The following UNC45A variants were observed in gnomAD, a reference collection of about 807,000 sequenced individuals.
UNC45A encodes the protein protein unc-45 homolog A.
A neutral mutation model predicts 103.2 loss-of-function variants in UNC45A; 78 were observed. The observed-to-expected ratio is 0.76, with a 90% CI of 0.63 to 0.91. The LOEUF (loss-of-function observed/expected upper bound fraction) is 0.91. Ranked by LOEUF, UNC45A falls within the 40% of genes least tolerant of loss-of-function variation. The pLI is 0.00. For missense variants in UNC45A, 1,193 were observed against 1,224.8 expected, an observed-to-expected ratio of 0.97 and a Z score of 0.39; for synonymous variants, 495 against 504.6, an observed-to-expected ratio of 0.98 and a Z score of 0.25.
chr15:90,952,063 C>A (rs1424122693), intron 17 of UNC45A, among the ~76,000 whole-genome samples: 1 of 152,196 alleles, frequency 6.6e-6, no homozygotes, highest in African/African-American at 2.4e-5. Context: ...CTAAGAAGCA[C>A]TGTAGTTCAT....
At chr15:90,935,192 C>T (rs2035937590), upstream of UNC45A, 1 of 930,400 alleles carries the variant, frequency 1.1e-6, no homozygotes, top group African/African-American at 1.6e-5. Flanking sequence ...CGCGCTCCCT[C>T]CTTAGCCCTG....
chr15:90,950,326 G>C (rs947478668), intron 16 of UNC45A, 59 bp downstream of exon 16: 1 of 1,527,736 alleles, frequency 6.5e-7, no homozygotes, highest in African/African-American at 1.4e-5. Flanking sequence ...CCTGTGGGCT[G>C]GGCTGTAGCT....
At chr15:90,935,278 C>T, upstream of UNC45A, 1 of 1,565,366 alleles carries the variant, frequency 6.4e-7, no homozygotes, top group Non-Finnish European at 8.7e-7. Flanking sequence ...CAGACTCGCC[C>T]CGCCCCAGAG....
At chr15:90,950,331 G>T in intron 16 of UNC45A, 64 bp downstream of exon 16, 2 of 1,525,032 alleles carry the variant, frequency 1.3e-6, no homozygotes, top group Non-Finnish European at 1.8e-6. Context: ...GGGCTGGGCT[G>T]TAGCTCCCCT....
rs981922607 is a variant in UNC45A, at chr15:90,953,731, G to T, written c.*15G>T. 6.2e-7 allele frequency: 1 copy of T among 1,611,312 alleles called. No individual in the cohort carries two copies. ...ATGGAGAGTGAGGGGGTTGTCCCTG[G>T]GCCCAAGGCTCATGCACACGCTACC... On this transcript the variant is annotated 3_prime_UTR_variant, in exon 20 of 20. Coordinates refer to ENST00000418476, the MANE Select transcript of UNC45A (RefSeq NM_018671.5).
chr15:90,945,107 A>G (rs1291033278), intron 9 of UNC45A, 44 bp downstream of exon 9: 1 of 1,603,504 alleles, frequency 6.2e-7, no homozygotes, highest in East Asian at 2.2e-5. Context: ...GATTCTAGCG[A>G]AAAAGTTCTG....
At chr15:90,947,739 G>T in intron 10 of UNC45A, 57 bp from the exon 11 acceptor site, 1 of 1,331,000 alleles carries the variant, frequency 7.5e-7, no homozygotes, top group South Asian at 1.2e-5. Flanking sequence ...AGGTGTGGAG[G>T]AGCTCAGCTC....
Position 90,935,683 on chromosome 15 carries a change from G to A in UNC45A, c.191G>A (p.Arg64Gln), listed in dbSNP as rs756760878. 15 of 1,566,256 alleles carry A rather than the reference G, an allele frequency of 9.6e-6. No individual in the cohort carries two copies. The highest frequency in any genetic ancestry group is 7.9e-5 in the Admixed American group (4 of 50,912). The change falls in exon 2 of 20, where the codon CGG (arginine) becomes CAG (glutamine). Residue 64 changes from arginine to glutamine, a missense_variant. Physicochemically the swap from Arg to Gln is conservative, Grantham distance 43. Coordinates refer to ENST00000418476, the MANE Select transcript of UNC45A (RefSeq NM_018671.5). ...PQDQAVLHRN[R>Q]AACHLKLEDY... ...GACCAGGCCGTTCTGCACCGGAACC[G>A]GGCCGCCTGCCACCTCAAGCTGGTG...
chr15:90,936,481 G>A (rs2036029208), intron 4 of UNC45A, 21 bp downstream of exon 4: 3 of 1,611,986 alleles, frequency 1.9e-6, no homozygotes, highest in Non-Finnish European at 1.7e-6. Context: ...GACCCAGAGA[G>A]GTGGAAGCAT....
At chr15:90,939,037 T>C (rs2036156919) in intron 4 of UNC45A, among the ~76,000 whole-genome samples, 1 of 151,488 alleles carries the variant, frequency 6.6e-6, no homozygotes, top group South Asian at 2.1e-4. Context: ...TAGAGTGCAG[T>C]GGCGTGATCT....
chr15:90,942,325 C>T lies in UNC45A; in HGVS notation c.688-112C>T, dbSNP rs1226026561. ...TGTGTTGTTTTCACCTGGAGCTGGG[C>T]CTTCCACCCAATTCTCTCCTTCTGG... On this transcript the variant is annotated intron_variant, in intron 6 of 19. Transcript: ENST00000418476. 3.9e-6 allele frequency: 5 copies of T among 1,280,718 alleles called. No individual in the cohort carries two copies. In the East Asian group the frequency reaches 1.2e-4, roughly 30 times the overall value. 79.3% of individuals were successfully genotyped at this position (1,280,718 alleles called of 1,614,324 possible). A position where few individuals can be genotyped will look rare whatever the true frequency, so the allele number is the denominator to read the frequency against.
At chr15:90,938,719 A>C (rs2036138417) in intron 4 of UNC45A, among the ~76,000 whole-genome samples, 1 of 152,130 alleles carries the variant, frequency 6.6e-6, no homozygotes, top group African/African-American at 2.4e-5. Flanking sequence ...CCTGTCACCC[A>C]GGCTGGAGTG....
rs754929421 is a variant in UNC45A at position 90,945,022 on chromosome 15, G to A, written c.1158G>A (p.Ala386=). 1.4e-5 allele frequency: 23 copies of A among 1,612,922 alleles called. No homozygotes were observed. In the East Asian group the frequency reaches 2.0e-4, roughly 14 times the overall value. Residue 386 remains alanine (A), a synonymous_variant, in exon 9 of 20, where the codon GCG becomes GCA. Coordinates refer to ENST00000418476, the MANE Select transcript of UNC45A (RefSeq NM_018671.5). The part of the protein sequence containing the change: ...SKLFDDLKCD[A]ERENFHRLCE... The stretch of plus-strand genomic sequence containing the variant: ...TCTTTGATGACCTCAAGTGTGATGC[G>A]GAGAGGGAGAATTTCCACAGACTTT...
At chr15:90,952,705 G>A (rs563305265) in intron 17 of UNC45A, 30 of 538,272 alleles carry the variant, frequency 5.6e-5, no homozygotes, top group East Asian at 2.2e-4. Context: ...GATTACAGGC[G>A]TGAGCCTCCA....
intron 9 of UNC45A, among the ~76,000 whole-genome samples, 156 bp from the exon 10 acceptor site, chr15:90,946,458 A>G (rs937647572): frequency 4.6e-5 from 7 of 152,154 alleles, no homozygotes; most frequent in Non-Finnish European, 1.5e-5. Context: ...ATCAGCCATT[A>G]TTGTCCAGGT....
At chr15:90,939,878 T>G in intron 5 of UNC45A, 55 bp downstream of exon 5, 1 of 1,517,984 alleles carries the variant, frequency 6.6e-7, no homozygotes, top group Non-Finnish European at 8.8e-7. Flanking sequence ...CACCCATCCA[T>G]AGGCCCCCGA....
At chr15:90,943,651 G>T (rs2036407702) in intron 8 of UNC45A, among the ~76,000 whole-genome samples, 1 of 151,866 alleles carries the variant, frequency 6.6e-6, no homozygotes, top group Non-Finnish European at 1.5e-5. Context: ...CATTGAGCGG[G>T]CCTGCAAGCA....
chr15:90,948,289 T>C lies in UNC45A; in HGVS notation c.1737+6T>C. The C allele has an allele frequency of 6.2e-7, 1 of 1,613,382 alleles. No homozygotes were observed. The highest frequency in any genetic ancestry group is 8.5e-7 in the Non-Finnish European group (1 of 1,180,036). ...CTCTGTTCCAGCTCAGCAGGGTAGCTCTGTGGTTCCTGCCGTCAGCCTGGG... is the reference window on the plus strand; with the variant it reads ...CTCTGTTCCAGCTCAGCAGGGTAGCCCTGTGGTTCCTGCCGTCAGCCTGGG... On this transcript the variant is annotated splice_donor_region_variant and intron_variant, in intron 12 of 19. Coordinates refer to ENST00000418476, the MANE Select transcript of UNC45A (RefSeq NM_018671.5).
At chr15:90,950,704 T>C in intron 17 of UNC45A, 89 bp downstream of exon 17, 1 of 1,320,506 alleles carries the variant, frequency 7.6e-7, no homozygotes, top group East Asian at 2.5e-5. Context: ...AAACACTCCT[T>C]GGTCATGGGC....
Sources: allele counts gnomAD v4.1 joint callset (sites outside exome capture counted in the v4.1 genomes callset), GRCh38; gene constraint gnomAD v4.1.1; transcripts MANE v1.5; gene names NCBI Gene and HGNC (gene_info 2026-07-23, HGNC 2026-07-21).